KIAA1549L: variants seen among roughly 807,000 people sequenced by gnomAD.
KIAA1549L encodes UPF0606 protein KIAA1549L.
A neutral mutation model predicts 160.7 loss-of-function variants in KIAA1549L; 88 were observed. The ratio of observed to expected loss-of-function variants is 0.55; its 90% CI spans 0.46 to 0.65. The LOEUF is 0.65. KIAA1549L is among the 30% of genes least tolerant of loss of function. The probability of loss-of-function intolerance (pLI) is 0.00; values close to 1 mark genes in which losing one functional copy is unlikely to be tolerated. For missense variants in KIAA1549L, 2,258 were observed against 2,437.5 expected (o/e 0.93, Z 1.55); for synonymous variants, 950 against 976.7 (o/e 0.97, Z 0.51).
At chr11:33,651,059 TC>T (rs1299892653) in intron 17 of KIAA1549L, among the ~76,000 whole-genome samples, 3 of 152,186 alleles carry the variant, frequency 2.0e-5, no homozygotes, top group Non-Finnish European at 2.9e-5. Flanking sequence ...GGCTCTCCTC[TC>T]CTTCCTATCC....
In KIAA1549L at chr11:33,609,855, G is replaced by T. The variant is rs1200581126; in HGVS notation, c.5168G>T (p.Ser1723Ile). ...TACGACTTCCCTGCAGTGGAGACGA[G>T]CAAGGGTCTGACCGAAAGAAAGAAG... The part of the protein sequence containing the change: ...GYYDFPAVET[S>I]KGLTERKKMY... The change falls in exon 15 of 21, where the codon AGC becomes ATC. Residue 1723 changes from serine (S) to isoleucine (I), a missense_variant. Physicochemically the swap from Ser to Ile is moderately radical, Grantham distance 142 (BLOSUM62 -2). Coordinates refer to ENST00000658780, the MANE Select transcript of KIAA1549L (RefSeq NM_012194.3). The T allele has an allele frequency of 6.2e-7, 1 of 1,613,900 alleles. No individual in the cohort carries two copies. Among genetic ancestry groups the T allele is most frequent in the South Asian group, 1.1e-5 (1 of 91,086 alleles).
chr11:33,610,208 A>G (rs1850615150), intron 15 of KIAA1549L, among the ~76,000 whole-genome samples: 1 of 152,126 alleles, frequency 6.6e-6, no homozygotes, highest in African/African-American at 2.4e-5. Flanking sequence ...CATCAGCTTA[A>G]TGGTATTTTC....
At chr11:33,625,753 T>A in intron 16 of KIAA1549L, among the ~76,000 whole-genome samples, 1 of 152,164 alleles carries the variant, frequency 6.6e-6, no homozygotes, top group Non-Finnish European at 1.5e-5. Flanking sequence ...GCAGAAGCTC[T>A]TTTAGTTTAA....
intron 6 of KIAA1549L, among the ~76,000 whole-genome samples, chr11:33,553,130 A>G (rs1159151587): frequency 1.3e-5 from 2 of 152,170 alleles, no homozygotes; most frequent in Admixed American, 6.5e-5. Context: ...GATGCTCTAA[A>G]CAGCCCTTTT....
chr11:33,403,409 A>T (rs1206800608), intron 1 of KIAA1549L: 1 of 81,826 alleles, frequency 1.2e-5, no homozygotes, highest in Non-Finnish European at 2.5e-5. Flanking sequence ...ACATGGACAC[A>T]CAGACACACA....
rs1854151275 is a variant in KIAA1549L at position 33,544,261 on chromosome 11, T to C, written c.2698T>C (p.Ser900Pro). ...ILGYHSAAESSISTSVFPRTS... is the reference protein window; with the variant it reads ...ILGYHSAAESPISTSVFPRTS... ...GGGATATCACTCTGCTGCTGAATCTTCTATATCGACCAGTGTCTTTCCCAG... is the reference window on the plus strand; with the variant it reads ...GGGATATCACTCTGCTGCTGAATCTCCTATATCGACCAGTGTCTTTCCCAG... Residue 900 changes from serine (S) to proline (P), a missense_variant, in exon 2 of 21, where the codon TCT (serine) becomes CCT (proline). By Grantham distance (74) the Ser-to-Pro change is moderately conservative. Coordinates refer to ENST00000658780, the MANE Select transcript of KIAA1549L (RefSeq NM_012194.3). 6.2e-7 allele frequency: 1 copy of C among 1,614,014 alleles called. No homozygotes were observed. The highest frequency in any genetic ancestry group is 2.2e-5 in the East Asian group (1 of 44,882).
intron 16 of KIAA1549L, among the ~76,000 whole-genome samples, chr11:33,637,207 G>C (rs529136624): frequency 6.6e-6 from 1 of 152,132 alleles, no homozygotes; most frequent in African/African-American, 2.4e-5. Flanking sequence ...CATCTAATCT[G>C]TCAGCAGCTC....
Position 33,543,090 on chromosome 11 carries a change from G to A in KIAA1549L, c.1527G>A (p.Gln509=), listed in dbSNP as rs759786781. 1.2e-6 allele frequency: 2 copies of A among 1,613,870 alleles called. No individual in the cohort carries two copies. The highest frequency in any genetic ancestry group is 1.1e-5 in the South Asian group (1 of 91,086). The change falls in exon 2 of 21, where the codon CAG becomes CAA. Residue 509 remains glutamine, a synonymous_variant. Transcript: ENST00000658780. ...ADFPSILTFL[Q]PTENHASPSP... is the part of the protein sequence containing the mutation. ...TTCCCTCCATACTTACTTTCCTCCA[G>A]CCCACAGAGAATCATGCCTCCCCAT... is the stretch of plus-strand genomic sequence containing the variant.
intron 1 of KIAA1549L, among the ~76,000 whole-genome samples, chr11:33,512,700 C>T (rs771228938): frequency 1.6e-4 from 24 of 152,176 alleles, no homozygotes; most frequent in Non-Finnish European, 2.8e-4. Flanking sequence ...AGATTACAGG[C>T]GTGAGCCATT....
chr11:33,585,352 C>G (rs1196220234), intron 11 of KIAA1549L, among the ~76,000 whole-genome samples: 1 of 152,090 alleles, frequency 6.6e-6, no homozygotes, highest in African/African-American at 2.4e-5. Flanking sequence ...AACCTCATCT[C>G]TACTAAAAAT....
At chr11:33,404,580 C>T (rs1489166970) in intron 1 of KIAA1549L, among the ~76,000 whole-genome samples, 1 of 151,534 alleles carries the variant, frequency 6.6e-6, no homozygotes, top group Non-Finnish European at 1.5e-5. Context: ...CAGATAAGTA[C>T]AGACAATTCA....
At chr11:33,651,828 C>G (rs1477916480) in intron 17 of KIAA1549L, among the ~76,000 whole-genome samples, 1 of 146,706 alleles carries the variant, frequency 6.8e-6, no homozygotes, top group Non-Finnish European at 1.5e-5. Flanking sequence ...AAACTTCAAA[C>G]AGACTGTGGT....
At chr11:33,630,365 G>A (rs965376974) in intron 16 of KIAA1549L, among the ~76,000 whole-genome samples, 17 of 152,346 alleles carry the variant, frequency 1.1e-4, no homozygotes, top group South Asian at 6.2e-4. Flanking sequence ...AATGGCGGGC[G>A]CCCCTCCCCC....
chr11:33,662,530 A>G (rs1046435112), intron 20 of KIAA1549L, among the ~76,000 whole-genome samples: 32 of 152,120 alleles, frequency 2.1e-4, no homozygotes, highest in African/African-American at 7.2e-4. Flanking sequence ...GGCTGATACC[A>G]CTGGATATGA....
rs143548540 is a variant in KIAA1549L at position 33,630,670 on chromosome 11, G to A, written c.5409+12008G>A. ...ATGGTGCGTGCACCCAGTGACCTGCGCCCACTGTCTGGCACTCCCTAGTGA... is the reference window on the plus strand; with the variant it reads ...ATGGTGCGTGCACCCAGTGACCTGCACCCACTGTCTGGCACTCCCTAGTGA... On this transcript the variant is annotated intron_variant, in intron 16 of 20. Coordinates refer to ENST00000658780, the MANE Select transcript of KIAA1549L (RefSeq NM_012194.3). Among the ~76,000 whole-genome samples the A allele has an allele frequency of 1.7e-4, 26 of 151,724 alleles. No individual in the cohort carries two copies. In the East Asian group the frequency reaches 4.5e-3, roughly 26 times the overall value.
At position 33,458,244 on chromosome 11, in the gene KIAA1549L, T is replaced by G. The variant is rs1032848281; in HGVS notation, c.238+81355T>G. On this transcript the variant is annotated intron_variant, in intron 1 of 20. Transcript: ENST00000658780. ...TGTGTTTGAAGCTGGACTACCATCA[T>G]GAATGAATCAATATCAAGATAGGAT... is the stretch of plus-strand genomic sequence containing the variant. Among the ~76,000 whole-genome samples the G allele has an allele frequency of 2.6e-5, 4 of 152,374 alleles. No individual in the cohort carries two copies. The South Asian group carries it at 8.3e-4, about 32-fold the overall frequency.
chr11:33,475,878 CA>C (rs907946831), intron 1 of KIAA1549L, among the ~76,000 whole-genome samples: 1 of 152,002 alleles, frequency 6.6e-6, no homozygotes, highest in Non-Finnish European at 1.5e-5. Context: ...TTAAAACAAA[CA>C]AAAATATAGT....
chr11:33,559,988 C>A, intron 7 of KIAA1549L, 77 bp downstream of exon 7: 1 of 1,247,568 alleles, frequency 8.0e-7, no homozygotes, highest in Non-Finnish European at 1.1e-6. Context: ...TTTATAGTGC[C>A]AGGCCACATA....
intron 8 of KIAA1549L, among the ~76,000 whole-genome samples, chr11:33,563,983 G>T (rs1260319160): frequency 1.3e-5 from 2 of 152,068 alleles, no homozygotes; most frequent in African/African-American, 4.8e-5. Context: ...TCCATTCCAG[G>T]TCTTTTTTTC....
Sources: gnomAD v4.1 joint callset for allele counts (sites outside exome capture counted in the v4.1 genomes callset) on GRCh38, gnomAD v4.1.1 for gene constraint, MANE v1.5 for transcripts, NCBI Gene and HGNC (gene_info 2026-07-23, HGNC 2026-07-21) for gene names.